KCNH1: variants seen among roughly 807,000 people sequenced by gnomAD.
KCNH1 encodes the protein voltage-gated delayed rectifier potassium channel KCNH1.
A neutral mutation model predicts 69.2 loss-of-function variants in KCNH1; 27 were observed. The observed-to-expected ratio is 0.39, with a 90% CI of 0.29 to 0.54. The LOEUF is 0.54. KCNH1 is among the 20% of genes least tolerant of loss of function. KCNH1 has a pLI of 0.68. For synonymous variants in KCNH1, 456 were observed against 487.7 expected, an observed-to-expected ratio of 0.93 and a Z score of 0.86; for missense variants, 798 against 1,261.6, an observed-to-expected ratio of 0.63 and a Z score of 5.57.
At chr1:211,054,707 T>G (rs1370342102) in intron 5 of KCNH1, among the ~76,000 whole-genome samples, 1 of 152,144 alleles carries the variant, frequency 6.6e-6, no homozygotes, top group Non-Finnish European at 1.5e-5. Context: ...GTTATTAGCT[T>G]CAAAATGAGT....
chr1:211,064,724 T>C (rs972490633), intron 5 of KCNH1, among the ~76,000 whole-genome samples: 18 of 152,070 alleles, frequency 1.2e-4, no homozygotes, highest in Admixed American at 3.3e-4. Context: ...AAGATCATAT[T>C]TGCAAATCAT....
At chr1:210,997,655 C>T (rs1042413297) in intron 6 of KCNH1, among the ~76,000 whole-genome samples, 10 of 152,086 alleles carry the variant, frequency 6.6e-5, no homozygotes, top group African/African-American at 2.4e-4. Context: ...TCAGGAAATA[C>T]AGGGAATGCC....
At chr1:210,817,371 C>T (rs4282878) in intron 7 of KCNH1, among the ~76,000 whole-genome samples, 67,611 of 152,020 alleles carry the variant, frequency 0.44, 15,203 homozygotes, top group Non-Finnish European at 0.47. Flanking sequence ...TGAATAATAA[C>T]AACAACTGAT....
chr1:210,716,471 C>T (rs868646746), intron 10 of KCNH1, among the ~76,000 whole-genome samples: 1 of 147,302 alleles, frequency 6.8e-6, no homozygotes, highest in African/African-American at 2.5e-5. Flanking sequence ...ACCATCTAGA[C>T]TTTTCTGAAA....
chr1:210,999,627 G>C (rs1281162932), intron 6 of KCNH1, among the ~76,000 whole-genome samples: 12 of 152,156 alleles, frequency 7.9e-5, no homozygotes, highest in African/African-American at 2.2e-4. Flanking sequence ...CTATTCCAAT[G>C]TAAAGAAAAA....
At chr1:211,083,057 G>A (rs751298545) in intron 4 of KCNH1, among the ~76,000 whole-genome samples, 159 bp from the exon 5 acceptor site, 5 of 152,204 alleles carry the variant, frequency 3.3e-5, no homozygotes, top group Non-Finnish European at 7.3e-5. Context: ...CCACTGCTCC[G>A]TAAAGCACCT....
At chr1:211,026,051 C>T (rs1689677826) in intron 5 of KCNH1, among the ~76,000 whole-genome samples, 1 of 152,134 alleles carries the variant, frequency 6.6e-6, no homozygotes, top group Non-Finnish European at 1.5e-5. Flanking sequence ...ATTCCTTTGA[C>T]TCTGCTGGAC....
intron 2 of KCNH1, among the ~76,000 whole-genome samples, chr1:211,103,859 G>C (rs968535321): frequency 6.6e-6 from 1 of 152,220 alleles, no homozygotes; most frequent in African/African-American, 2.4e-5. Flanking sequence ...TTAGAGAACA[G>C]TGTGATCACT....
intron 10 of KCNH1, among the ~76,000 whole-genome samples, chr1:210,702,653 G>A (rs969830334): frequency 6.6e-6 from 1 of 152,168 alleles, no homozygotes; most frequent in Non-Finnish European, 1.5e-5. Context: ...GAGCTGTGGA[G>A]CTGGAAATCT....
chr1:211,054,582 A>C (rs1400072357), intron 5 of KCNH1, among the ~76,000 whole-genome samples: 1 of 152,158 alleles, frequency 6.6e-6, no homozygotes, highest in East Asian at 1.9e-4. Flanking sequence ...ACGGCCAATA[A>C]GGAAGTTAAA....
At chr1:210,766,515 G>A (rs1325636581) in intron 10 of KCNH1, among the ~76,000 whole-genome samples, 1 of 151,942 alleles carries the variant, frequency 6.6e-6, no homozygotes, top group African/African-American at 2.4e-5. Flanking sequence ...ACAAGATTGA[G>A]GGGGGGTGGG....
chr1:211,045,041 G>GATATATAGATATATAT (rs1164564038), intron 5 of KCNH1, among the ~76,000 whole-genome samples: 9 of 81,732 alleles, frequency 1.1e-4, no homozygotes, highest in Non-Finnish European at 1.8e-4. Flanking sequence ...AATTGTGGGG[G>GATATATAGATATATAT]ATATATATAT....
chr1:211,066,993 C>T (rs1342346300), intron 5 of KCNH1, among the ~76,000 whole-genome samples: 1 of 146,342 alleles, frequency 6.8e-6, no homozygotes, highest in Non-Finnish European at 1.5e-5. Flanking sequence ...CTTGACCTGG[C>T]TTCCTCACGG....
At chr1:210,999,173 C>T (rs1393964642) in intron 6 of KCNH1, among the ~76,000 whole-genome samples, 2 of 152,054 alleles carry the variant, frequency 1.3e-5, no homozygotes, top group Non-Finnish European at 2.9e-5. Flanking sequence ...CAGAGCAGAA[C>T]TGAAGGAAAT....
chr1:210,955,424 T>A (rs1688152415), intron 6 of KCNH1, among the ~76,000 whole-genome samples: 1 of 152,220 alleles, frequency 6.6e-6, no homozygotes, highest in South Asian at 2.1e-4. Flanking sequence ...AGTAGTTTTT[T>A]CCAATTCTGT....
At position 211,012,248 on chromosome 1, in the gene KCNH1, A is replaced by G. The variant is rs555699883; in HGVS notation, c.1032+6535T>C. Among the ~76,000 whole-genome samples the G allele has an allele frequency of 9.9e-5, 15 of 152,262 alleles. No individual in the cohort carries two copies. In the South Asian group the frequency reaches 2.9e-3, roughly 29 times the overall value. On this transcript the variant is annotated intron_variant, in intron 6 of 10. Coordinates refer to ENST00000271751, the MANE Select transcript of KCNH1 (RefSeq NM_172362.3). ...ATGACTTGTGAGAAATGTTGCTTTT[A>G]CCCAGGTGCTACCACAGGCTGGTAA...
Position 210,871,321 on chromosome 1 carries a change from A to T in KCNH1, c.1462+48319T>A, listed in dbSNP as rs1476040110. Among the ~76,000 whole-genome samples the T allele has an allele frequency of 3.1e-4, 47 of 152,324 alleles. 1 individual carries two copies. In the South Asian group the frequency reaches 5.4e-3, roughly 17 times the overall value. ...AAAAAATGCTCACCATCACTGGCCA[A>T]CAGAGAAATGCAAATCAAAACCACA... On this transcript the variant is annotated intron_variant, in intron 7 of 10. Transcript: ENST00000271751.
intron 10 of KCNH1, among the ~76,000 whole-genome samples, chr1:210,703,357 G>T (rs577503431): frequency 5.3e-4 from 81 of 152,268 alleles, no homozygotes; most frequent in Non-Finnish European, 9.3e-4. Flanking sequence ...GTATCAGATT[G>T]CTCAAAATCC....
At chr1:210,899,202 C>T (rs1178686527) in intron 7 of KCNH1, among the ~76,000 whole-genome samples, 2 of 152,152 alleles carry the variant, frequency 1.3e-5, no homozygotes, top group African/African-American at 4.8e-5. Flanking sequence ...CTCTCATTCT[C>T]TCACAAATGT....
Sources: allele counts gnomAD v4.1 joint callset (sites outside exome capture counted in the v4.1 genomes callset), GRCh38; gene constraint gnomAD v4.1.1; transcripts MANE v1.5; gene names NCBI Gene and HGNC (gene_info 2026-07-23, HGNC 2026-07-21).